Variants in TRIP12 observed in about 807,000 individuals in gnomAD.
TRIP12 encodes the protein E3 ubiquitin-protein ligase TRIP12.
In TRIP12, 25 loss-of-function variants were observed where a neutral mutation model predicts 244.2. That is an observed-to-expected ratio of 0.10 (90% CI 0.07 to 0.14). The LOEUF (loss-of-function observed/expected upper bound fraction) is 0.14. Ranked by LOEUF, TRIP12 falls within the 10% of genes least tolerant of loss-of-function variation. The pLI is 1.00. For synonymous variants in TRIP12, 905 were observed against 873.1 expected (o/e 1.04, Z -0.64); for missense variants, 1,677 against 2,486.4 (o/e 0.67, Z 6.92).
At chr2:229,771,175 C>G (rs963807721) in intron 39 of TRIP12, among the ~76,000 whole-genome samples, 2 of 152,224 alleles carry the variant, frequency 1.3e-5, no homozygotes, top group South Asian at 4.1e-4. Context: ...AGTCAAGCCC[C>G]CTCCATGTCT....
intron 17 of TRIP12, among the ~76,000 whole-genome samples, chr2:229,806,950 C>T (rs2046032062): frequency 6.6e-6 from 1 of 152,154 alleles, no homozygotes; most frequent in Admixed American, 6.5e-5. Context: ...GTAAATTATG[C>T]ATGGCATCAC....
rs2043187532 is a variant in TRIP12 at position 229,797,839 on chromosome 2, A to G, written c.3483-8T>C. The stretch of plus-strand genomic sequence containing the variant: ...CAACCTTTAATTTTTTCTCTACAAG[A>G]AACAAAAAGGAGATATTAAAGTCCC... On this transcript the variant is annotated splice_region_variant and splice_polypyrimidine_tract_variant and intron_variant, in intron 23 of 41. Transcript: ENST00000675903. 2.5e-6 allele frequency: 4 copies of G among 1,612,302 alleles called. No homozygotes were observed. The highest frequency in any genetic ancestry group is 3.4e-6 in the Non-Finnish European group (4 of 1,179,172).
intron 11 of TRIP12, among the ~76,000 whole-genome samples, 193 bp downstream of exon 11, chr2:229,814,906 T>C (rs2048129476): frequency 2.6e-5 from 4 of 152,240 alleles, no homozygotes; most frequent in Admixed American, 2.6e-4. Context: ...TGCTAATTAT[T>C]ACTAAAAATT....
intron 4 of TRIP12, among the ~76,000 whole-genome samples, chr2:229,848,363 G>A (rs1481994307): frequency 8.6e-6 from 1 of 116,542 alleles, no homozygotes; most frequent in East Asian, 2.7e-4. Context: ...GATTACACAG[G>A]CAAAGAAAAC....
chr2:229,785,831 G>A lies in TRIP12; in HGVS notation c.5020C>T (p.Leu1674=). 1 of 1,613,622 alleles carries A rather than the reference G, an allele frequency of 6.2e-7. No individual in the cohort carries two copies. The highest frequency in any genetic ancestry group is 8.5e-7 in the Non-Finnish European group (1 of 1,179,804). ...KKRTVNREEL[L]KQAESVMQDL... ...TGCATCACAGACTCCGCCTGTTTCAGCAGCTCCTCTCGGTTCACAGTACGC... is the reference window on the plus strand; with the variant it reads ...TGCATCACAGACTCCGCCTGTTTCAACAGCTCCTCTCGGTTCACAGTACGC... Residue 1674 remains leucine, a synonymous_variant, in exon 34 of 42, where the codon CTG becomes TTG. Coordinates refer to ENST00000675903, the MANE Select transcript of TRIP12 (RefSeq NM_001348323.3).
intron 6 of TRIP12, 28 bp from the exon 7 acceptor site, chr2:229,830,867 T>C: frequency 1.2e-6 from 2 of 1,608,426 alleles, no homozygotes; most frequent in South Asian, 1.1e-5. Context: ...AGATGAGGGT[T>C]AGGAGGAGCA....
chr2:229,777,261 C>A, intron 37 of TRIP12, 54 bp downstream of exon 37: 1 of 1,554,858 alleles, frequency 6.4e-7, no homozygotes, highest in Non-Finnish European at 8.7e-7. Flanking sequence ...TAACAAAAGC[C>A]TCATTTTTCT....
intron 38 of TRIP12, among the ~76,000 whole-genome samples, chr2:229,771,866 C>T (rs1234784426): frequency 6.6e-6 from 1 of 152,140 alleles, no homozygotes; most frequent in Non-Finnish European, 1.5e-5. Flanking sequence ...TGTGCATTTA[C>T]ATTTAGTGTG....
intron 21 of TRIP12, among the ~76,000 whole-genome samples, chr2:229,800,198 G>A (rs2043916367): frequency 6.6e-6 from 1 of 152,038 alleles, no homozygotes; most frequent in South Asian, 2.1e-4. Flanking sequence ...GTGTGACAAT[G>A]GCAATAACAT....
intron 1 of TRIP12, among the ~76,000 whole-genome samples, chr2:229,902,934 A>G (rs2071421006): frequency 1.3e-5 from 2 of 152,094 alleles, no homozygotes; most frequent in Admixed American, 6.6e-5. Context: ...GCATATTAGA[A>G]GAATTTAAAA....
intron 2 of TRIP12, among the ~76,000 whole-genome samples, chr2:229,871,245 G>C (rs1484240757): frequency 6.6e-6 from 1 of 152,008 alleles, no homozygotes; most frequent in Non-Finnish European, 1.5e-5. Flanking sequence ...AGAAAGAAAA[G>C]AGAAGAGATC....
At chr2:229,792,935 T>C in intron 27 of TRIP12, 38 bp downstream of exon 27, 3 of 1,575,562 alleles carry the variant, frequency 1.9e-6, no homozygotes, top group Non-Finnish European at 2.6e-6. Flanking sequence ...CTCCCAAATA[T>C]ACATATATAA....
At chr2:229,920,918 G>A (rs1305378742) in intron 1 of TRIP12, among the ~76,000 whole-genome samples, 2 of 152,052 alleles carry the variant, frequency 1.3e-5, no homozygotes, top group East Asian at 1.9e-4. Flanking sequence ...CTGAACTGAT[G>A]GACAAACGTT....
intron 21 of TRIP12, among the ~76,000 whole-genome samples, chr2:229,800,271 G>C (rs547282126): frequency 6.6e-6 from 1 of 152,240 alleles, no homozygotes; most frequent in Admixed American, 6.5e-5. Flanking sequence ...CAAATCTAGT[G>C]AGTAGTATGA....
intron 29 of TRIP12, 98 bp downstream of exon 29, chr2:229,791,768 T>A (rs2154259778): frequency 7.6e-7 from 1 of 1,322,864 alleles, no homozygotes; most frequent in East Asian, 2.3e-5. Flanking sequence ...GGGCCCCCTA[T>A]CCTTATGAAA....
intron 4 of TRIP12, among the ~76,000 whole-genome samples, chr2:229,844,421 C>T (rs1252740473): frequency 6.6e-6 from 1 of 152,054 alleles, no homozygotes; most frequent in Admixed American, 6.5e-5. Flanking sequence ...TAGAAATAGA[C>T]AACTGAATAA....
At chr2:229,771,940 CA>C (rs1315956682) in intron 38 of TRIP12, among the ~76,000 whole-genome samples, 10 of 152,144 alleles carry the variant, frequency 6.6e-5, no homozygotes, top group Admixed American at 5.2e-4. Flanking sequence ...GGATGGGAAT[CA>C]AATGAGAATT....
intron 26 of TRIP12, among the ~76,000 whole-genome samples, chr2:229,793,850 G>GT (rs34301622): frequency 0.29 from 41,796 of 146,628 alleles, 6,129 homozygotes; most frequent in East Asian, 0.4. Context: ...TACAATGAGT[G>GT]TTTTTTTTTT....
chr2:229,908,548 T>C (rs1397445784), intron 1 of TRIP12, among the ~76,000 whole-genome samples: 2 of 150,358 alleles, frequency 1.3e-5, no homozygotes, highest in African/African-American at 4.9e-5. Flanking sequence ...ATCAAGACCA[T>C]GGTGAAACCC....
Sources: allele counts gnomAD v4.1 joint callset (sites outside exome capture counted in the v4.1 genomes callset), GRCh38; gene constraint gnomAD v4.1.1; transcripts MANE v1.5; gene names NCBI Gene and HGNC (gene_info 2026-07-23, HGNC 2026-07-21).